The following USP7 variants were observed in gnomAD, a reference collection of about 807,000 sequenced individuals.
The protein encoded by USP7 is ubiquitin specific peptidase 7.
A neutral mutation model predicts 162.9 loss-of-function variants in USP7; 9 were observed. That is an observed-to-expected ratio of 0.06 (90% CI 0.03 to 0.10). The LOEUF (loss-of-function observed/expected upper bound fraction) is 0.10. Ranked by LOEUF, USP7 falls within the 10% of genes least tolerant of loss-of-function variation. The pLI, the probability that USP7 is intolerant of heterozygous loss-of-function variation, is 1.00. For synonymous variants in USP7, 562 were observed against 475.9 expected, an observed-to-expected ratio of 1.18 and a Z score of -2.35; for missense variants, 715 against 1,373.7, an observed-to-expected ratio of 0.52 and a Z score of 7.58.
At chr16:8,905,522 A>G (rs150494889) in intron 13 of USP7, among the ~76,000 whole-genome samples, 191 bp from the exon 14 acceptor site, 2 of 152,252 alleles carry the variant, frequency 1.3e-5, no homozygotes, top group Non-Finnish European at 1.5e-5. Context: ...GCATCCGCTC[A>G]TACAATTCAC....
intron 1 of USP7, among the ~76,000 whole-genome samples, chr16:8,939,699 C>G (rs1162398183): frequency 6.6e-6 from 1 of 152,196 alleles, no homozygotes; most frequent in Non-Finnish European, 1.5e-5. Flanking sequence ...ATGTACATTG[C>G]TCGTGCACTT....
chr16:8,930,550 A>T lies in USP7; in HGVS notation c.80-153T>A, dbSNP rs904513016. 3.3e-5 allele frequency among the ~76,000 whole-genome samples: 5 copies of T among 152,384 alleles called. No homozygotes were observed. In the South Asian group the frequency reaches 6.2e-4, roughly 19 times the overall value. On this transcript the variant is annotated intron_variant, in intron 1 of 30. Transcript: ENST00000344836. ...TCATTCTAATCCAAAAAATATTTATACTAATGTTTACTACATACAAACTTT... is the reference window on the plus strand; with the variant it reads ...TCATTCTAATCCAAAAAATATTTATTCTAATGTTTACTACATACAAACTTT...
chr16:8,894,201 CAAGGGGT>C, intron 30 of USP7, 97 bp from the exon 31 acceptor site: 2 of 1,176,502 alleles, frequency 1.7e-6, no homozygotes, highest in Non-Finnish European at 2.5e-6. Context: ...TGTGGCTCCC[CAAGGGGT>C]AAGTTCGCAG....
At chr16:8,935,609 G>C (rs923012501) in intron 1 of USP7, 11 of 152,170 alleles carry the variant, frequency 7.2e-5, no homozygotes, top group Non-Finnish European at 1.5e-4. Flanking sequence ...ACAAGCCCTG[G>C]ATGAAAAACG....
In USP7 at chr16:8,920,385, T is replaced by G. The variant is rs1440459789; in HGVS notation, c.585A>C (p.Val195=). Residue 195 remains valine, a synonymous_variant, in exon 5 of 31, where the codon GTA becomes GTC. Transcript: ENST00000344836. ...DDDKVTFEVF[V]QADAPHGVAW... ...CAACTCCATGGGGAGCATCCGCCTG[T>G]ACAAAGACTTCAAAGGTAACTTTGT... 1 of 1,613,272 alleles carries G rather than the reference T, an allele frequency of 6.2e-7. No homozygotes were observed. The highest frequency in any genetic ancestry group is 1.1e-5 in the South Asian group (1 of 90,762).
intron 1 of USP7, among the ~76,000 whole-genome samples, chr16:8,957,424 T>C (rs1461139505): frequency 6.6e-6 from 1 of 152,124 alleles, no homozygotes; most frequent in East Asian, 1.9e-4. Context: ...AAGCAGGATA[T>C]CCACGCTATT....
chr16:8,898,423 G>A lies in USP7; in HGVS notation c.2655C>T (p.Ile885=). 6.2e-7 allele frequency: 1 copy of A among 1,613,054 alleles called. No individual in the cohort carries two copies. The highest frequency in any genetic ancestry group is 1.1e-5 in the South Asian group (1 of 90,602). Residue 885 remains isoleucine, a synonymous_variant, in exon 25 of 31, where the codon ATC becomes ATT. Coordinates refer to ENST00000344836, the MANE Select transcript of USP7 (RefSeq NM_003470.3). ...AACTTCGCCTGTTCTCAAAGTCTGTGATTTTCATCTTAAGCTATTAAGAAA... is the reference window on the plus strand; with the variant it reads ...AACTTCGCCTGTTCTCAAAGTCTGTAATTTTCATCTTAAGCTATTAAGAAA... ...KLYYQQLKMK[I]TDFENRRSFK...
chr16:8,901,299 A>G lies in USP7; in HGVS notation c.2048-65T>C. 3 of 1,129,702 alleles carry G rather than the reference A, an allele frequency of 2.7e-6. No homozygotes were observed. In the Middle Eastern group the frequency reaches 6.2e-4, roughly 235 times the overall value. 70.0% of individuals were successfully genotyped at this position (1,129,702 alleles called of 1,614,324 possible). A position where few individuals can be genotyped will look rare whatever the true frequency, so the allele number is the denominator to read the frequency against. The stretch of plus-strand genomic sequence containing the variant: ...CTCAGCACAATGCTTAAAAAACAAA[A>G]AAACAAACAAACAAAAAAACGAAAA... On this transcript the variant is annotated intron_variant, in intron 18 of 30. Transcript: ENST00000344836.
At chr16:8,897,726 A>AAAAAAAACATATAT (rs1555461671) in intron 25 of USP7, among the ~76,000 whole-genome samples, 1 of 7,138 alleles carries the variant, frequency 1.4e-4, no homozygotes, top group Non-Finnish European at 2.3e-4. Flanking sequence ...AAAAAAAAAA[A>AAAAAAAACATATAT]ATATATATAT....
rs1316761957 is a variant in USP7, at chr16:8,963,191, G to T, written c.79+16C>A. ...GGCGCCCCCCGGCCCCGCCGCGGCC[G>T]GCCCTCGGGCCTCACCTTCCATCTC... On this transcript the variant is annotated intron_variant, in intron 1 of 30. Transcript: ENST00000344836. 2.1e-6 allele frequency: 3 copies of T among 1,404,180 alleles called. No individual in the cohort carries two copies. Among genetic ancestry groups the T allele is most frequent in the South Asian group, 2.6e-5 (2 of 75,854 alleles). The allele number at this position is 1,404,180 out of a possible 1,614,324, so 87.0% of individuals were successfully genotyped here.
At chr16:8,900,054 G>T (rs1479241662) in intron 21 of USP7, 4 of 463,972 alleles carry the variant, frequency 8.6e-6, no homozygotes, top group Non-Finnish European at 1.2e-5. Flanking sequence ...AGACCCAGAC[G>T]CAGTGTCTTG....
At chr16:8,923,848 A>G (rs1185380731) in intron 2 of USP7, among the ~76,000 whole-genome samples, 1 of 152,224 alleles carries the variant, frequency 6.6e-6, no homozygotes, top group Non-Finnish European at 1.5e-5. Context: ...CGGAACACAC[A>G]GGCAGGACTT....
chr16:8,955,070 T>A (rs1261935284), intron 1 of USP7, among the ~76,000 whole-genome samples: 1 of 152,264 alleles, frequency 6.6e-6, no homozygotes, highest in Non-Finnish European at 1.5e-5. Context: ...TCACTATTAA[T>A]CACCTATACC....
intron 2 of USP7, among the ~76,000 whole-genome samples, chr16:8,925,702 CA>C (rs1010558410): frequency 2.6e-5 from 4 of 152,200 alleles, no homozygotes; most frequent in Admixed American, 2.6e-4. Flanking sequence ...GGTTAGTTCA[CA>C]ATTAGTGCAC....
At chr16:8,909,882 C>T (rs2061917268) in intron 11 of USP7, among the ~76,000 whole-genome samples, 1 of 152,012 alleles carries the variant, frequency 6.6e-6, no homozygotes, top group Non-Finnish European at 1.5e-5. Context: ...GTCGAGATCG[C>T]GCCACTGCAC....
At chr16:8,898,671 C>G in intron 23 of USP7, 32 bp from the exon 24 acceptor site, 1 of 1,498,620 alleles carries the variant, frequency 6.7e-7, no homozygotes, top group East Asian at 2.3e-5. Flanking sequence ...AAATAAATGA[C>G]TTGTTTATTT....
rs1274345519 is a variant in USP7, at chr16:8,963,290, GCCGCGGCCTGGGCCTCGC to G, written c.-23_-6del. 1 of 1,282,764 alleles carries G rather than the reference GCCGCGGCCTGGGCCTCGC, an allele frequency of 7.8e-7. No individual in the cohort carries two copies. Among genetic ancestry groups the G allele is most frequent in the Non-Finnish European group, 1.0e-6 (1 of 994,000 alleles). 79.5% of individuals were successfully genotyped at this position (1,282,764 alleles called of 1,614,324 possible). A position where few individuals can be genotyped will look rare whatever the true frequency, so the allele number is the denominator to read the frequency against. ...CTGCTGCTGCTGGTGGTTCATGTCGGCCGCGGCCTGGGCCTCGCCTGCGGCCGGGGGCCGGGGCTGCGA... is the reference window on the plus strand; with the variant it reads ...CTGCTGCTGCTGGTGGTTCATGTCGGCTGCGGCCGGGGGCCGGGGCTGCGA... On this transcript the variant is annotated 5_prime_UTR_variant, in exon 1 of 31. Transcript: ENST00000344836.
chr16:8,959,505 C>G (rs537637100), intron 1 of USP7, among the ~76,000 whole-genome samples: 1 of 152,176 alleles, frequency 6.6e-6, no homozygotes. Flanking sequence ...TAAAACCTGA[C>G]GTGCTCACAT....
chr16:8,915,261 C>A lies in USP7; in HGVS notation c.1071G>T (p.Lys357Asn). The A allele has an allele frequency of 6.2e-7, 1 of 1,603,482 alleles. No homozygotes were observed. The highest frequency in any genetic ancestry group is 1.1e-5 in the South Asian group (1 of 89,846). ...GATACACACAACACTTACTATTTTT[C>A]TTTCCTTTGATACTTAGCTGGATAT... ...YYDIQLSIKG[K>N]KNIFESFVDY... Residue 357 changes from lysine to asparagine, a missense_variant, in exon 10 of 31, where the codon AAG becomes AAT. By Grantham distance (94) the Lys-to-Asn change is moderately conservative. Around this residue, in one of 11 missense-constraint regions of USP7, gnomAD observed 21 missense variants for 23.8 expected, o/e 0.88. Transcript: ENST00000344836.
Sources: allele counts gnomAD v4.1 joint callset (sites outside exome capture counted in the v4.1 genomes callset), GRCh38; gene constraint gnomAD v4.1.1; regional missense constraint gnomAD v4.1.1; transcripts MANE v1.5; gene names NCBI Gene and HGNC (gene_info 2026-07-23, HGNC 2026-07-21).